The following SLC4A10 variants were observed in gnomAD, a reference collection of about 807,000 sequenced individuals.
SLC4A10 encodes the protein solute carrier family 4 member 10, also known as sodium-driven chloride bicarbonate exchanger.
In SLC4A10, 42 loss-of-function variants were observed where a neutral mutation model predicts 137.7. The observed-to-expected ratio is 0.30, with a 90% CI of 0.24 to 0.39. The LOEUF (loss-of-function observed/expected upper bound fraction) is 0.39, where lower values mean the gene tolerates loss of function less well. Ranked by LOEUF, SLC4A10 falls within the 10% of genes least tolerant of loss-of-function variation. The pLI, the probability that SLC4A10 is intolerant of heterozygous loss-of-function variation, is 1.00. For missense variants in SLC4A10, 925 were observed against 1,355.0 expected (o/e 0.68, Z 4.98); for synonymous variants, 474 against 464.1 (o/e 1.02, Z -0.27).
rs570387112 is a variant in SLC4A10 at position 161,632,629 on chromosome 2, A to G, written c.48+8063A>G. On this transcript the variant is annotated intron_variant, in intron 1 of 26. Transcript: ENST00000446997. ...TATTTTTTTCCTAAACAACGGGATT[A>G]TTGAAAACCTTACTCTTGAGGACCA... is the stretch of plus-strand genomic sequence containing the variant. Among the ~76,000 whole-genome samples, 315 of 151,674 alleles carry G rather than the reference A, an allele frequency of 2.1e-3. 1 individual carries two copies. The highest frequency in any genetic ancestry group is 7.2e-3 in the African/African-American group (298 of 41,514).
At chr2:161,805,476 C>T (rs954029497) in intron 3 of SLC4A10, among the ~76,000 whole-genome samples, 3 of 152,134 alleles carry the variant, frequency 2.0e-5, no homozygotes, top group Admixed American at 1.3e-4. Context: ...AAGTCCCTTC[C>T]ACCTGTGAGC....
Position 161,684,100 on chromosome 2 carries a change from A to G in SLC4A10, c.48+59534A>G, listed in dbSNP as rs975753286. Among the ~76,000 whole-genome samples, 4 of 152,196 alleles carry G rather than the reference A, an allele frequency of 2.6e-5. No homozygotes were observed. In the South Asian group the frequency reaches 6.2e-4, roughly 24 times the overall value. ...TCTTCTTTCTTTCTTCATGAATTTG[A>G]TGACTCTAAGTAATTCATATAAGTG... On this transcript the variant is annotated intron_variant, in intron 1 of 26. Transcript: ENST00000446997.
chr2:161,693,977 A>G (rs1293771942), intron 1 of SLC4A10, among the ~76,000 whole-genome samples: 1 of 152,000 alleles, frequency 6.6e-6, no homozygotes, highest in African/African-American at 2.4e-5. Flanking sequence ...TGCAAGTTTA[A>G]GAGAAATACT....
Position 161,650,397 on chromosome 2 carries a change from C to A in SLC4A10, c.48+25831C>A, listed in dbSNP as rs1298600124. On this transcript the variant is annotated intron_variant, in intron 1 of 26. Coordinates refer to ENST00000446997, the MANE Select transcript of SLC4A10 (RefSeq NM_001178015.2). ...GTCTGGAGAAGCTGCTGCAGGAACG[C>A]CAGCTGCAGCGGCGGAGGCCTGGCC... Among the ~76,000 whole-genome samples, 3 of 152,248 alleles carry A rather than the reference C, an allele frequency of 2.0e-5. 1 individual carries two copies. Among genetic ancestry groups the A allele is most frequent in the Non-Finnish European group, 4.4e-5 (3 of 68,038 alleles).
chr2:161,977,022 AT>A, intron 25 of SLC4A10, 146 bp downstream of exon 25: 1 of 533,052 alleles, frequency 1.9e-6, no homozygotes. Flanking sequence ...AGAAATTGTA[AT>A]TATTTCAAAT....
At chr2:161,967,106 T>G (rs559235493) in intron 23 of SLC4A10, among the ~76,000 whole-genome samples, 281 of 152,200 alleles carry the variant, frequency 1.8e-3, no homozygotes, top group African/African-American at 6.5e-3. Flanking sequence ...AAAAAAAAAA[T>G]TCCCTGGCCA....
intron 26 of SLC4A10, 67 bp downstream of exon 26, chr2:161,977,827 A>C: frequency 2.1e-6 from 3 of 1,463,128 alleles, no homozygotes; most frequent in Non-Finnish European, 2.8e-6. Context: ...GTCTTCTAGA[A>C]ACCTGGTCAG....
chr2:161,898,193 T>A (rs1050505860), intron 11 of SLC4A10, among the ~76,000 whole-genome samples: 1 of 152,130 alleles, frequency 6.6e-6, no homozygotes, highest in African/African-American at 2.4e-5. Context: ...TCTGCAATAA[T>A]GGAAATATTC....
chr2:161,680,718 A>G, intron 1 of SLC4A10, among the ~76,000 whole-genome samples: 2 of 152,268 alleles, frequency 1.3e-5, no homozygotes, highest in South Asian at 4.1e-4. Flanking sequence ...GTAATTTACA[A>G]ATAAAAATTG....
chr2:161,861,745 G>T (rs2060444795), intron 5 of SLC4A10, among the ~76,000 whole-genome samples: 1 of 152,008 alleles, frequency 6.6e-6, no homozygotes, highest in African/African-American at 2.4e-5. Flanking sequence ...ATTAGTCTTG[G>T]CACCAATATA....
At chr2:161,739,846 T>G (rs2047707084) in intron 1 of SLC4A10, among the ~76,000 whole-genome samples, 2 of 152,178 alleles carry the variant, frequency 1.3e-5, no homozygotes, top group Admixed American at 1.3e-4. Context: ...GTGGCCACCT[T>G]AAATTAGCAC....
At chr2:161,755,105 A>G (rs992632737) in intron 1 of SLC4A10, among the ~76,000 whole-genome samples, 35 of 152,216 alleles carry the variant, frequency 2.3e-4, no homozygotes, top group Non-Finnish European at 8.8e-5. Flanking sequence ...ATACAAAAAA[A>G]ATAAATTATA....
At chr2:161,767,738 G>T (rs965673881) in intron 1 of SLC4A10, among the ~76,000 whole-genome samples, 5 of 151,924 alleles carry the variant, frequency 3.3e-5, no homozygotes, top group Non-Finnish European at 7.4e-5. Context: ...TTCTTGAAAA[G>T]GATTTGGAAT....
chr2:161,730,469 TA>T (rs1266258672), intron 1 of SLC4A10, among the ~76,000 whole-genome samples: 2 of 152,204 alleles, frequency 1.3e-5, no homozygotes, highest in Admixed American at 6.5e-5. Context: ...TCTATCTATT[TA>T]TCTATTATCT....
chr2:161,932,048 C>T (rs879806914), intron 15 of SLC4A10, among the ~76,000 whole-genome samples: 2 of 152,118 alleles, frequency 1.3e-5, no homozygotes, highest in African/African-American at 4.8e-5. Flanking sequence ...AATAAATATA[C>T]TAGGTTTTCA....
intron 1 of SLC4A10, among the ~76,000 whole-genome samples, chr2:161,716,518 GA>G (rs1318134492): frequency 1.3e-5 from 2 of 151,842 alleles, no homozygotes; most frequent in African/African-American, 4.8e-5. Context: ...AAGATGTAAG[GA>G]AAAGGTCCAT....
At chr2:161,775,370 C>G (rs1427384027) in intron 2 of SLC4A10, among the ~76,000 whole-genome samples, 1 of 151,830 alleles carries the variant, frequency 6.6e-6, no homozygotes. Flanking sequence ...TACAACAGTA[C>G]ATATTTATAG....
At chr2:161,812,584 G>A (rs1411318928) in intron 3 of SLC4A10, among the ~76,000 whole-genome samples, 1 of 151,982 alleles carries the variant, frequency 6.6e-6, no homozygotes, top group African/African-American at 2.4e-5. Context: ...AGTACCCAAT[G>A]TTTATCTCCC....
chr2:161,808,779 GATATATATGTACCAC>G (rs1278287299), intron 3 of SLC4A10, among the ~76,000 whole-genome samples: 2 of 152,108 alleles, frequency 1.3e-5, no homozygotes, highest in East Asian at 3.9e-4. Context: ...AGTATTCCAT[GATATATATGTACCAC>G]ATTTTCTTCA....
Sources: gnomAD v4.1 joint callset for allele counts (sites outside exome capture counted in the v4.1 genomes callset) on GRCh38, gnomAD v4.1.1 for gene constraint, MANE v1.5 for transcripts, NCBI Gene and HGNC (gene_info 2026-07-23, HGNC 2026-07-21) for gene names.